MPRIP: variants seen among roughly 807,000 people sequenced by gnomAD.
The protein encoded by MPRIP is myosin phosphatase Rho-interacting protein.
A neutral mutation model predicts 234.9 loss-of-function variants in MPRIP; 59 were observed. The ratio of observed to expected loss-of-function variants is 0.25; its 90% CI spans 0.20 to 0.31. The LOEUF (loss-of-function observed/expected upper bound fraction) is 0.31. Ranked by LOEUF, MPRIP falls within the 10% of genes least tolerant of loss-of-function variation. The probability of loss-of-function intolerance (pLI) is 1.00; values close to 1 mark genes in which losing one functional copy is unlikely to be tolerated. For missense variants in MPRIP, 2,436 were observed against 3,071.0 expected (o/e 0.79, Z 4.89); for synonymous variants, 1,144 against 1,263.9 (o/e 0.91, Z 2.01).
chr17:17,147,219 T>TG (rs2045487254), intron 10 of MPRIP, 100 bp from the exon 11 acceptor site: 1 of 1,133,836 alleles, frequency 8.8e-7, no homozygotes, highest in Admixed American at 1.7e-5. Context: ...CCCTGTGCTC[T>TG]GGGAGGGCCC....
chr17:17,174,229 G>A (rs1160277177), intron 19 of MPRIP, among the ~76,000 whole-genome samples, 154 bp downstream of exon 19: 1 of 152,252 alleles, frequency 6.6e-6, no homozygotes, highest in African/African-American at 2.4e-5. Context: ...CCTGCCCCAG[G>A]GCTTCTCCCT....
At chr17:17,101,412 C>G (rs2089957690) in intron 3 of MPRIP, among the ~76,000 whole-genome samples, 1 of 152,020 alleles carries the variant, frequency 6.6e-6, no homozygotes, top group South Asian at 2.1e-4. Flanking sequence ...CTAAAAAATA[C>G]AAAAATTAGC....
chr17:17,134,460 A>G (rs1005543832), intron 5 of MPRIP, among the ~76,000 whole-genome samples: 2 of 151,994 alleles, frequency 1.3e-5, no homozygotes, highest in East Asian at 1.9e-4. Context: ...CCCTTGGGAA[A>G]CTTGTCAGGA....
intron 2 of MPRIP, chr17:17,077,314 T>C (rs1274587887): frequency 1.3e-5 from 2 of 152,704 alleles, no homozygotes; most frequent in Non-Finnish European, 2.9e-5. Flanking sequence ...CATAGTCCAT[T>C]TCATTTCAGC....
rs910724502 is a variant in MPRIP, at chr17:17,078,546, G to A, written c.267+470G>A. 6.6e-6 allele frequency among the ~76,000 whole-genome samples: 1 copy of A among 152,164 alleles called. No individual in the cohort carries two copies. The highest frequency in any genetic ancestry group is 6.5e-5 in the Admixed American group (1 of 15,282). On this transcript the variant is annotated intron_variant, in intron 3 of 23. Transcript: ENST00000651222. The surrounding 1 kb of genome is among the most constrained non-coding windows in gnomAD (Gnocchi z 4.3). ...TCATTTGAGCTTGGCTTAGTTTTCC[G>A]AGCTGACTTCAGAGGCCTCCTGGTC... is the stretch of plus-strand genomic sequence containing the variant.
intron 1 of MPRIP, among the ~76,000 whole-genome samples, chr17:17,053,613 G>A (rs1200370588): frequency 6.6e-6 from 1 of 152,196 alleles, no homozygotes; most frequent in Non-Finnish European, 1.5e-5. Flanking sequence ...TGGGGCAGGG[G>A]CAGTGCGGGG....
chr17:17,079,370 A>G (rs998273075), intron 3 of MPRIP, among the ~76,000 whole-genome samples: 8 of 152,192 alleles, frequency 5.3e-5, no homozygotes, highest in African/African-American at 1.9e-4. Flanking sequence ...AGTGTACTGG[A>G]GGTGAGCACC....
chr17:17,135,929 C>A (rs1037965467), intron 5 of MPRIP, among the ~76,000 whole-genome samples: 1 of 152,214 alleles, frequency 6.6e-6, no homozygotes, highest in East Asian at 1.9e-4. Flanking sequence ...TGAACTTGTT[C>A]TTGCATTCAC....
In MPRIP at chr17:17,165,725, G is replaced by A. The variant is rs896384321; in HGVS notation, c.4134G>A (p.Thr1378=). The stretch of plus-strand genomic sequence containing the variant: ...TGCCTGCAACTGGCGACTCTGACAC[G>A]TACCTCTCCATCATCCACTCCCTGG... ...SVLPATGDSD[T]YLSIIHSLET... is the part of the protein sequence containing the mutation. Residue 1378 remains threonine, a synonymous_variant, in exon 16 of 24, where the codon ACG becomes ACA. Transcript: ENST00000651222. 10 of 1,304,808 alleles carry A rather than the reference G, an allele frequency of 7.7e-6. No individual in the cohort carries two copies. In the East Asian group the frequency reaches 1.7e-4, roughly 22 times the overall value. The allele number at this position is 1,304,808 out of a possible 1,614,324, so 80.8% of individuals were successfully genotyped here.
At chr17:17,150,084 T>C (rs2045566607) in intron 11 of MPRIP, 60 bp from the exon 12 acceptor site, 2 of 1,245,006 alleles carry the variant, frequency 1.6e-6, no homozygotes, top group African/African-American at 1.5e-5. Context: ...GGAAATTTGC[T>C]CATCTAGGCA....
chr17:17,178,234 A>C (rs1184524527), intron 22 of MPRIP, among the ~76,000 whole-genome samples: 1 of 152,092 alleles, frequency 6.6e-6, no homozygotes, highest in Non-Finnish European at 1.5e-5. Flanking sequence ...GATTATACAT[A>C]ATTTCATTTG....
chr17:17,142,401 G>GC (rs969146934), intron 7 of MPRIP: 9 of 499,726 alleles, frequency 1.8e-5, no homozygotes, highest in Non-Finnish European at 2.9e-5. Flanking sequence ...AGGGCCTCTA[G>GC]CGCGGGGGCA....
intron 3 of MPRIP, among the ~76,000 whole-genome samples, chr17:17,119,826 C>G (rs1336272635): frequency 5.9e-5 from 9 of 152,196 alleles, no homozygotes; most frequent in Admixed American, 5.9e-4. Context: ...ATAATAAATA[C>G]AGTGCACATG....
In MPRIP at chr17:17,042,482, A is replaced by G. The variant is rs1459287930; in HGVS notation, c.-367A>G. ...GTAGTGCGTGAGGCGCTCCGGTCCC[A>G]TTTGCAGCGGCCGCGGGGCGCCGAG... is the stretch of plus-strand genomic sequence containing the variant. On this transcript the variant is annotated 5_prime_UTR_variant, in exon 1 of 24. Transcript: ENST00000651222. 2.1e-5 allele frequency: 3 copies of G among 144,062 alleles called. No homozygotes were observed. Among genetic ancestry groups the G allele is most frequent in the South Asian group, 2.1e-4 (1 of 4,782 alleles). 8.9% of individuals were successfully genotyped at this position (144,062 alleles called of 1,614,324 possible).
chr17:17,057,608 C>A, intron 1 of MPRIP: 1 of 718,076 alleles, frequency 1.4e-6, no homozygotes, highest in Non-Finnish European at 2.6e-6. Context: ...TCACTGTTAC[C>A]AGTTTTCAAC....
At chr17:17,152,400 G>A (rs959720591) in intron 12 of MPRIP, among the ~76,000 whole-genome samples, 9 of 152,256 alleles carry the variant, frequency 5.9e-5, no homozygotes, top group Admixed American at 2.6e-4. Context: ...GAGGGCATCA[G>A]CCACTCTCAC....
intron 1 of MPRIP, among the ~76,000 whole-genome samples, chr17:17,073,129 G>A (rs2089239564): frequency 6.6e-6 from 1 of 152,060 alleles, no homozygotes; most frequent in African/African-American, 2.4e-5. Flanking sequence ...CCACTCCTCT[G>A]CTCTCTATCA....
At chr17:17,068,489 T>G (rs1232457991) in intron 1 of MPRIP, among the ~76,000 whole-genome samples, 1 of 152,020 alleles carries the variant, frequency 6.6e-6, no homozygotes, top group Non-Finnish European at 1.5e-5. Context: ...AAGAACCAGC[T>G]CTTTGTTTCA....
intron 3 of MPRIP, among the ~76,000 whole-genome samples, chr17:17,114,181 T>C (rs2090233895): frequency 6.6e-6 from 1 of 152,226 alleles, no homozygotes; most frequent in African/African-American, 2.4e-5. Context: ...CATTTTCTAA[T>C]GACTAATGAC....
Sources: allele counts gnomAD v4.1 joint callset (sites outside exome capture counted in the v4.1 genomes callset), GRCh38; gene constraint gnomAD v4.1.1; non-coding constraint Gnocchi (gnomAD v3.1); transcripts MANE v1.5; gene names NCBI Gene and HGNC (gene_info 2026-07-23, HGNC 2026-07-21).